The following ARPP21 variants were observed in gnomAD, a reference collection of about 807,000 sequenced individuals.
The protein encoded by ARPP21 is cAMP-regulated phosphoprotein 21.
In ARPP21, 69 loss-of-function variants were observed where a neutral mutation model predicts 113.2. That is an observed-to-expected ratio of 0.61 (90% confidence interval 0.50 to 0.74). The LOEUF (loss-of-function observed/expected upper bound fraction) is 0.74. Among genes scored for constraint, ARPP21 ranks in the 30% least tolerant of loss-of-function variants. ARPP21 has a pLI of 0.00. For missense variants in ARPP21, 1,070 were observed against 1,037.4 expected, an observed-to-expected ratio of 1.03 and a Z score of -0.43; for synonymous variants, 368 against 375.5, an observed-to-expected ratio of 0.98 and a Z score of 0.23.
intron 9 of ARPP21, among the ~76,000 whole-genome samples, chr3:35,704,804 C>A (rs2088089023): frequency 1.3e-5 from 2 of 151,950 alleles, no homozygotes; most frequent in South Asian, 4.1e-4. Flanking sequence ...TCTCAGGTAC[C>A]AGGCATGGTT....
intron 18 of ARPP21, 144 bp downstream of exon 18, chr3:35,739,721 T>C (rs1457692176): frequency 8.6e-7 from 1 of 1,165,616 alleles, no homozygotes; most frequent in Non-Finnish European, 1.2e-6. Flanking sequence ...GGAAGTAGTA[T>C]ATTTTTTCAT....
At chr3:35,760,665 C>G (rs539661875) in intron 19 of ARPP21, among the ~76,000 whole-genome samples, 3 of 152,176 alleles carry the variant, frequency 2.0e-5, no homozygotes, top group Non-Finnish European at 2.9e-5. Flanking sequence ...TGAAACCAAA[C>G]TGAAACTTTA....
At chr3:35,669,872 C>T (rs1172884717) in intron 1 of ARPP21, among the ~76,000 whole-genome samples, 1 of 152,134 alleles carries the variant, frequency 6.6e-6, no homozygotes, top group Non-Finnish European at 1.5e-5. Context: ...CCCAAATCTT[C>T]AACTTCATCA....
At chr3:35,791,992 TA>T (rs888796202) in intron 19 of ARPP21, among the ~76,000 whole-genome samples, 1 of 152,206 alleles carries the variant, frequency 6.6e-6, no homozygotes, top group Admixed American at 6.5e-5. Flanking sequence ...AATTTAATTT[TA>T]AAATAACTTG....
At position 35,683,796 on chromosome 3, in the gene ARPP21, G is replaced by A. The variant is rs369306202; in HGVS notation, c.242G>A (p.Gly81Asp). 3.3e-5 allele frequency: 51 copies of A among 1,528,876 alleles called. No homozygotes were observed. The highest frequency in any genetic ancestry group is 4.5e-5 in the Non-Finnish European group (50 of 1,104,400). The allele number at this position is 1,528,876 out of a possible 1,614,324, so 94.7% of individuals were successfully genotyped here. A position where few individuals can be genotyped will look rare whatever the true frequency, so the allele number is the denominator to read the frequency against. ...GAGGAATCTTCTGCCAGACCAGGAG[G>A]TGAAAGTCTTCAGGATCAGGTATAT... ...VCEESSARPG[G>D]ESLQDQESIH... The change falls in exon 5 of 21, where the codon GGT (glycine) becomes GAT (aspartate). Residue 81 changes from glycine (G) to aspartate (D), a missense_variant. By Grantham distance (94) the Gly-to-Asp change is moderately conservative. Coordinates refer to ENST00000684406, the MANE Select transcript of ARPP21 (RefSeq NM_001385562.1).
intron 9 of ARPP21, among the ~76,000 whole-genome samples, chr3:35,706,206 T>C (rs762185352): frequency 2.0e-5 from 3 of 152,210 alleles, no homozygotes; most frequent in African/African-American, 4.8e-5. Flanking sequence ...AGATCATTCA[T>C]TGAGTTCTGT....
chr3:35,761,698 G>T (rs1052482170), intron 19 of ARPP21, among the ~76,000 whole-genome samples: 1 of 151,984 alleles, frequency 6.6e-6, no homozygotes, highest in Non-Finnish European at 1.5e-5. Context: ...TGGAAGCTAA[G>T]ATAAGATGGA....
At chr3:35,786,667 A>G (rs1455995835) in intron 19 of ARPP21, among the ~76,000 whole-genome samples, 1 of 152,150 alleles carries the variant, frequency 6.6e-6, no homozygotes, top group African/African-American at 2.4e-5. Flanking sequence ...AACCACGTTT[A>G]CATTGTCATT....
chr3:35,644,163 A>G (rs1699277300), intron 1 of ARPP21, among the ~76,000 whole-genome samples: 1 of 151,942 alleles, frequency 6.6e-6, no homozygotes, highest in Non-Finnish European at 1.5e-5. Flanking sequence ...AACAAGATGT[A>G]TCTGTAACTA....
At chr3:35,785,018 C>T (rs1344047137) in intron 19 of ARPP21, 1 of 152,074 alleles carries the variant, frequency 6.6e-6, no homozygotes, top group African/African-American at 2.4e-5. Flanking sequence ...AATTATCTTG[C>T]TGTAGTCAGC....
At position 35,644,708 on chromosome 3, in the gene ARPP21, C is replaced by G. The variant is rs945769816; in HGVS notation, c.-213+4310C>G. 2.6e-5 allele frequency among the ~76,000 whole-genome samples: 4 copies of G among 152,004 alleles called. No individual in the cohort carries two copies. In the East Asian group the frequency reaches 7.7e-4, roughly 29 times the overall value. ...AACAAAGGGGTTTGTTTGAATGCAT[C>G]GAATTGCTCTCTACTTTCAGACTGA... On this transcript the variant is annotated intron_variant, in intron 1 of 20. Coordinates refer to ENST00000684406, the MANE Select transcript of ARPP21 (RefSeq NM_001385562.1).
chr3:35,729,599 C>A, intron 15 of ARPP21, 63 bp downstream of exon 15: 1 of 1,400,056 alleles, frequency 7.1e-7, no homozygotes, highest in Non-Finnish European at 1.0e-6. Context: ...TATGTTTGAT[C>A]TTATGAATTT....
At chr3:35,697,837 A>G (rs528041717) in intron 9 of ARPP21, among the ~76,000 whole-genome samples, 128 of 151,778 alleles carry the variant, frequency 8.4e-4, no homozygotes, top group African/African-American at 2.6e-3. Flanking sequence ...TTCCGTGTTT[A>G]TTATATTTAT....
intron 14 of ARPP21, 62 bp downstream of exon 14, chr3:35,721,896 G>A: frequency 1.9e-6 from 2 of 1,049,902 alleles, no homozygotes; most frequent in Non-Finnish European, 2.7e-6. Context: ...CAAGCCATAT[G>A]GTCACCATTC....
At chr3:35,680,587 G>T (rs1471282325) in intron 2 of ARPP21, among the ~76,000 whole-genome samples, 1 of 151,988 alleles carries the variant, frequency 6.6e-6, no homozygotes, top group Admixed American at 6.6e-5. Flanking sequence ...TACTCCCAAA[G>T]AAACATATTA....
chr3:35,669,083 A>G (rs911938878), intron 1 of ARPP21, among the ~76,000 whole-genome samples: 1 of 152,088 alleles, frequency 6.6e-6, no homozygotes, highest in African/African-American at 2.4e-5. Flanking sequence ...TTCATATTCT[A>G]CTTTCATATA....
intron 19 of ARPP21, among the ~76,000 whole-genome samples, chr3:35,757,324 G>A (rs946274361): frequency 5.3e-5 from 8 of 151,928 alleles, no homozygotes; most frequent in African/African-American, 1.9e-4. Flanking sequence ...TGGTCTGCCA[G>A]AATGCTGGGG....
Position 35,682,850 on chromosome 3 carries a change from G to T in ARPP21, c.132G>T (p.Arg44Ser), listed in dbSNP as rs1432672847. The change falls in exon 4 of 21, where the codon AGG (arginine) becomes AGT (serine). Residue 44 changes from arginine to serine, a missense_variant and splice_region_variant. Arg to Ser is a moderately radical substitution (Grantham distance 110). Coordinates refer to ENST00000684406, the MANE Select transcript of ARPP21 (RefSeq NM_001385562.1). ...LDEEEKLELQ[R>S]RLEAQNQERR... is the part of the protein sequence containing the mutation. ...TTTATTTTCTTTCCAACATACAGAG[G>T]CGGCTGGAGGCTCAGAATCAAGAAA... 3.7e-6 allele frequency: 6 copies of T among 1,607,668 alleles called. No homozygotes were observed. The highest frequency in any genetic ancestry group is 1.3e-5 in the African/African-American group (1 of 74,388).
intron 5 of ARPP21, chr3:35,685,133 G>A: frequency 1.0e-6 from 1 of 985,442 alleles, no homozygotes; most frequent in African/African-American, 1.7e-5. Flanking sequence ...AGGCAGAGAA[G>A]GACAGCCTTT....
Sources: allele counts gnomAD v4.1 joint callset (sites outside exome capture counted in the v4.1 genomes callset), GRCh38; gene constraint gnomAD v4.1.1; transcripts MANE v1.5; gene names NCBI Gene and HGNC (gene_info 2026-07-23, HGNC 2026-07-21).